The following PARL variants were observed in gnomAD, a reference collection of about 807,000 sequenced individuals.
PARL encodes the protein presenilin associated rhomboid like.
A neutral mutation model predicts 51.6 loss-of-function variants in PARL; 44 were observed. The observed-to-expected ratio is 0.85, with a 90% CI of 0.67 to 1.10. The LOEUF is 1.10. PARL is among the 50% of genes least tolerant of loss of function. PARL has a pLI of 0.00. For missense variants in PARL, 441 were observed against 469.5 expected, an observed-to-expected ratio of 0.94 and a Z score of 0.56; for synonymous variants, 172 against 164.0, an observed-to-expected ratio of 1.05 and a Z score of -0.37.
intron 4 of PARL, chr3:183,861,122 C>T (rs1161303603): frequency 6.3e-6 from 2 of 316,276 alleles, no homozygotes; most frequent in Non-Finnish European, 9.2e-6. Context: ...AGCCTCATTA[C>T]TTTCATAAAA....
At position 183,834,156 on chromosome 3, in the gene PARL, G is replaced by A. The variant is rs558075530; in HGVS notation, c.829-331C>T. On this transcript the variant is annotated intron_variant, in intron 7 of 9. Transcript: ENST00000317096. ...GAACTGCTCACACTTCTCTGACAAA[G>A]CTCCAACCAGAGGGAGTGGGCATGA... Among the ~76,000 whole-genome samples the A allele has an allele frequency of 1.5e-3, 226 of 152,344 alleles. 3 individuals are homozygous for A. Among genetic ancestry groups the A allele is most frequent in the Middle Eastern group, 0.014 (4 of 294 alleles).
At chr3:183,854,744 C>A (rs1206593771) in intron 4 of PARL, among the ~76,000 whole-genome samples, 337 of 108,926 alleles carry the variant, frequency 3.1e-3, no homozygotes, top group South Asian at 4.0e-3. Context: ...TTTTTTTTTA[C>A]AATTAAAAAA....
chr3:183,872,156 C>G (rs1255459926), intron 1 of PARL, among the ~76,000 whole-genome samples: 1 of 152,066 alleles, frequency 6.6e-6, no homozygotes, highest in Non-Finnish European at 1.5e-5. Context: ...CATGTACTGC[C>G]ACACCTGGCT....
At chr3:183,878,168 G>A (rs1343214013) in intron 1 of PARL, among the ~76,000 whole-genome samples, 1 of 152,146 alleles carries the variant, frequency 6.6e-6, no homozygotes, top group Non-Finnish European at 1.5e-5. Flanking sequence ...CCTTAGTGCT[G>A]GTTGTTGTCT....
At chr3:183,844,158 AC>A in intron 5 of PARL, 72 bp downstream of exon 5, 1 of 1,040,792 alleles carries the variant, frequency 9.6e-7, no homozygotes, top group Non-Finnish European at 1.5e-6. Flanking sequence ...TTTTTACAGC[AC>A]TTCCATTAAC....
At chr3:183,826,794 C>T (rs1560359610), downstream of PARL, 4 of 985,328 alleles carry the variant, frequency 4.1e-6, no homozygotes, top group East Asian at 3.4e-4. Flanking sequence ...CCGCCACGGC[C>T]CTGGGTTAGC....
Position 183,866,670 on chromosome 3 carries a change from C to A in PARL, c.417G>T (p.Trp139Cys). The change falls in exon 3 of 10, where the codon TGG (tryptophan) becomes TGT (cysteine). Residue 139 changes from tryptophan (W) to cysteine (C), a missense_variant. Coordinates refer to ENST00000317096, the MANE Select transcript of PARL (RefSeq NM_018622.7). ...QSYFDGIKAD[W>C]LDSIRPQKEG... Reference sequence around the variant, plus strand: ...CTTTTTGTGGTCTTATGCTATCCAACCAATCAGCTTTTATACCATCAAAAT... The same window carrying A: ...CTTTTTGTGGTCTTATGCTATCCAAACAATCAGCTTTTATACCATCAAAAT... The A allele has an allele frequency of 1.2e-6, 2 of 1,612,244 alleles. No homozygotes were observed. Among genetic ancestry groups the A allele is most frequent in the Non-Finnish European group, 1.7e-6 (2 of 1,179,314 alleles).
At chr3:183,842,535 C>T (rs575100872) in intron 5 of PARL, 88 bp from the exon 6 acceptor site, 28 of 1,267,096 alleles carry the variant, frequency 2.2e-5, no homozygotes, top group African/African-American at 4.4e-5. Context: ...TTAGGCCGGA[C>T]GCAGTGGCTC....
intron 3 of PARL, 107 bp downstream of exon 3, chr3:183,866,518 C>G: frequency 1.2e-6 from 1 of 863,896 alleles, no homozygotes. Flanking sequence ...TTCATTATTA[C>G]ACATTATGTG....
chr3:183,860,522 C>A (rs936796738), intron 4 of PARL, among the ~76,000 whole-genome samples: 6 of 152,164 alleles, frequency 3.9e-5, no homozygotes, highest in African/African-American at 1.2e-4. Context: ...AGACAGATCA[C>A]AAGCATCTCT....
chr3:183,839,020 T>C (rs1264148320), intron 7 of PARL, among the ~76,000 whole-genome samples: 7 of 152,188 alleles, frequency 4.6e-5, no homozygotes, highest in Admixed American at 1.3e-4. Flanking sequence ...ATTAGGTGCT[T>C]AGCTGTTGAA....
downstream of PARL, among the ~76,000 whole-genome samples, chr3:183,827,267 C>A (rs567546856): frequency 1.3e-5 from 2 of 151,944 alleles, no homozygotes; most frequent in African/African-American, 4.8e-5. Context: ...GCCTGGGCAA[C>A]ACAGTGAGAC....
intron 2 of PARL, among the ~76,000 whole-genome samples, chr3:183,867,141 T>C (rs757087384): frequency 3.4e-4 from 52 of 152,050 alleles, no homozygotes; most frequent in Non-Finnish European, 6.0e-4. Flanking sequence ...CTCGAACTCC[T>C]GACCTCAGGT....
chr3:183,833,092 T>G (rs778914683), intron 9 of PARL, among the ~76,000 whole-genome samples: 14 of 152,084 alleles, frequency 9.2e-5, no homozygotes, highest in Non-Finnish European at 1.8e-4. Flanking sequence ...CATGTCTAAA[T>G]AGCACTGGCG....
At chr3:183,841,866 GAACTGAAC>G (rs1460752599) in intron 6 of PARL, among the ~76,000 whole-genome samples, 1 of 152,100 alleles carries the variant, frequency 6.6e-6, no homozygotes, top group East Asian at 1.9e-4. Context: ...AGCTTTCTGT[GAACTGAAC>G]ACACTGGGGG....
At position 183,877,006 on chromosome 3, in the gene PARL, G is replaced by A. The variant is rs186996809; in HGVS notation, c.125+7716C>T. Among the ~76,000 whole-genome samples, 791 of 152,368 alleles carry A rather than the reference G, an allele frequency of 5.2e-3. 7 individuals carry two copies. The highest frequency in any genetic ancestry group is 0.018 in the African/African-American group (737 of 41,584). The stretch of plus-strand genomic sequence containing the variant: ...GCGGGCGGATCACCTGAGGTCAGGA[G>A]TTCGAGACCAGCCTGGCCAACATGG... On this transcript the variant is annotated intron_variant, in intron 1 of 9. Coordinates refer to ENST00000317096, the MANE Select transcript of PARL (RefSeq NM_018622.7).
chr3:183,867,528 G>A (rs528350274), intron 2 of PARL, among the ~76,000 whole-genome samples: 20 of 152,028 alleles, frequency 1.3e-4, no homozygotes, highest in African/African-American at 3.6e-4. Flanking sequence ...GTGAAACCCC[G>A]TCTCTACTAA....
chr3:183,874,537 T>C (rs1477679132), intron 1 of PARL, among the ~76,000 whole-genome samples: 1 of 151,848 alleles, frequency 6.6e-6, no homozygotes, highest in Non-Finnish European at 1.5e-5. Context: ...GCCTCCCAAG[T>C]AGCTGGGACT....
chr3:183,845,229 C>G (rs1219081266), intron 4 of PARL, among the ~76,000 whole-genome samples: 2 of 152,046 alleles, frequency 1.3e-5, no homozygotes, highest in Non-Finnish European at 2.9e-5. Context: ...TTTGTCTTGT[C>G]CCTGGCAGCT....
Sources: allele counts gnomAD v4.1 joint callset (sites outside exome capture counted in the v4.1 genomes callset), GRCh38; gene constraint gnomAD v4.1.1; transcripts MANE v1.5; gene names NCBI Gene and HGNC (gene_info 2026-07-23, HGNC 2026-07-21).